ASIC2: variants seen among roughly 807,000 people sequenced by gnomAD.
ASIC2 encodes the protein acid-sensing ion channel 2.
ASIC2 carries 25 observed loss-of-function variants against 57.3 expected under a neutral mutation model. The ratio of observed to expected loss-of-function variants is 0.44; its 90% CI spans 0.32 to 0.61. ASIC2 has a LOEUF of 0.61. Ranked by LOEUF, ASIC2 falls within the 20% of genes least tolerant of loss-of-function variation. The probability of loss-of-function intolerance (pLI) is 0.06; values close to 1 mark genes in which losing one functional copy is unlikely to be tolerated. For synonymous variants in ASIC2, 319 were observed against 307.5 expected (o/e 1.04, Z -0.39); for missense variants, 641 against 738.1 (o/e 0.87, Z 1.52).
At chr17:34,105,208 T>G (rs1002924168) in intron 1 of ASIC2, among the ~76,000 whole-genome samples, 3 of 152,062 alleles carry the variant, frequency 2.0e-5, no homozygotes, top group African/African-American at 7.2e-5. Context: ...TTTGCTCATT[T>G]CATCTGAATT....
At chr17:33,769,837 T>C (rs1911042184) in intron 1 of ASIC2, among the ~76,000 whole-genome samples, 2 of 152,230 alleles carry the variant, frequency 1.3e-5, no homozygotes, top group South Asian at 2.1e-4. Context: ...GATGGCCATC[T>C]TCTCACTGTG....
chr17:33,921,734 G>A (rs775252182), intron 1 of ASIC2, among the ~76,000 whole-genome samples: 15 of 152,182 alleles, frequency 9.9e-5, no homozygotes, highest in Non-Finnish European at 1.9e-4. Context: ...GAATTTAGAT[G>A]GGGAGTTACG....
rs528502934 is a variant in ASIC2, at chr17:33,610,421, T to C, written c.556-498354A>G. On this transcript the variant is annotated intron_variant, in intron 1 of 9. Transcript: ENST00000359872. ...GTCTGCCCGCCTCGGCCTCCCAAAA[T>C]GCTGGAATTACAAGCGTGAGGCACC... is the stretch of plus-strand genomic sequence containing the variant. 5.9e-5 allele frequency among the ~76,000 whole-genome samples: 9 copies of C among 152,288 alleles called. No individual in the cohort carries two copies. The South Asian group carries it at 1.9e-3, about 32-fold the overall frequency.
chr17:33,535,160 G>C (rs1915186418), intron 1 of ASIC2, among the ~76,000 whole-genome samples: 1 of 152,178 alleles, frequency 6.6e-6, no homozygotes, highest in Admixed American at 6.5e-5. Flanking sequence ...GACTGAATCT[G>C]TGTAGGGAAG....
At chr17:33,445,217 C>T (rs1911970617) in intron 1 of ASIC2, among the ~76,000 whole-genome samples, 1 of 152,200 alleles carries the variant, frequency 6.6e-6, no homozygotes, top group African/African-American at 2.4e-5. Flanking sequence ...CATTTGAGGT[C>T]AGGAGTTCGA....
intron 1 of ASIC2, among the ~76,000 whole-genome samples, chr17:33,130,469 A>T (rs533587381): frequency 6.6e-6 from 1 of 152,340 alleles, no homozygotes; most frequent in African/African-American, 2.4e-5. Flanking sequence ...ATACACGCTA[A>T]TTATTAAATG....
chr17:33,461,130 T>A (rs892906637), intron 1 of ASIC2, among the ~76,000 whole-genome samples: 1 of 152,232 alleles, frequency 6.6e-6, no homozygotes, highest in Non-Finnish European at 1.5e-5. Flanking sequence ...CACTTCCACC[T>A]GCTCCTCAGC....
At position 33,662,662 on chromosome 17, in the gene ASIC2, A is replaced by AATAC. The variant is rs1040286677; in HGVS notation, c.555+493315_555+493316insGTAT. Among the ~76,000 whole-genome samples the AATAC allele has an allele frequency of 6.2e-3, 611 of 99,180 alleles. 10 individuals carry two copies. The highest frequency in any genetic ancestry group is 0.045 in the East Asian group (162 of 3,626). 65.1% of individuals were successfully genotyped at this position (99,180 alleles called of 152,430 possible). A position where few individuals can be genotyped will look rare whatever the true frequency, so the allele number is the denominator to read the frequency against. ...AAATAAATAAATAAATAAATAAATA[A>AATAC]ATAAATAAGTAAAATAAAAAATGAA... On this transcript the variant is annotated intron_variant, in intron 1 of 9. Transcript: ENST00000359872.
At chr17:33,263,755 C>T (rs75266219) in intron 1 of ASIC2, among the ~76,000 whole-genome samples, 13 of 65,384 alleles carry the variant, frequency 2.0e-4, no homozygotes, top group African/African-American at 6.2e-4. Flanking sequence ...GAAAGGGGGG[C>T]CCACCCGCTG....
At chr17:33,364,889 A>G (rs1298398906) in intron 1 of ASIC2, among the ~76,000 whole-genome samples, 5 of 152,078 alleles carry the variant, frequency 3.3e-5, no homozygotes, top group Non-Finnish European at 1.5e-5. Flanking sequence ...CCCTCCTAAT[A>G]AGTTTCCCTG....
chr17:33,517,028 T>A (rs1056873205), intron 1 of ASIC2, among the ~76,000 whole-genome samples: 6 of 152,224 alleles, frequency 3.9e-5, no homozygotes, highest in Admixed American at 1.3e-4. Flanking sequence ...TAACGAAGCC[T>A]CTCTTTTCTT....
rs559781103 is a variant in ASIC2 at position 33,781,277 on chromosome 17, C to T, written c.555+374701G>A. 3.3e-5 allele frequency among the ~76,000 whole-genome samples: 5 copies of T among 152,338 alleles called. No individual in the cohort carries two copies. The East Asian group carries it at 9.6e-4, about 29-fold the overall frequency. ...GTGGCCACTGGACCATGCTAAAGAG[C>T]CCGAGACGCCTCTCCACAGCATTTC... is the stretch of plus-strand genomic sequence containing the variant. On this transcript the variant is annotated intron_variant, in intron 1 of 9. Transcript: ENST00000359872.
chr17:34,053,570 A>T (rs1176319011), intron 1 of ASIC2, among the ~76,000 whole-genome samples: 2 of 152,226 alleles, frequency 1.3e-5, no homozygotes, highest in African/African-American at 4.8e-5. Flanking sequence ...ACTGTGCACT[A>T]AACATTTTTA....
intron 1 of ASIC2, among the ~76,000 whole-genome samples, chr17:33,278,489 GAAA>G (rs10566355): frequency 1.1e-4 from 16 of 144,480 alleles, no homozygotes; most frequent in South Asian, 4.4e-4. Context: ...CCCTGTATCA[GAAA>G]AAAAAAAAAA....
intron 3 of ASIC2, among the ~76,000 whole-genome samples, chr17:33,028,787 T>C (rs2091869178): frequency 6.6e-6 from 1 of 152,198 alleles, no homozygotes; most frequent in Non-Finnish European, 1.5e-5. Flanking sequence ...TTGCATCTCT[T>C]GGAAAGACCC....
intron 1 of ASIC2, among the ~76,000 whole-genome samples, chr17:33,555,103 C>T (rs1915866953): frequency 6.6e-6 from 1 of 152,196 alleles, no homozygotes; most frequent in Non-Finnish European, 1.5e-5. Context: ...CTCTCCATGT[C>T]TCTTCCGGGT....
intron 1 of ASIC2, among the ~76,000 whole-genome samples, chr17:33,224,681 G>A (rs757705474): frequency 1.3e-5 from 2 of 152,150 alleles, no homozygotes; most frequent in Non-Finnish European, 2.9e-5. Context: ...GAAAATGGAC[G>A]CACACCTTGT....
intron 1 of ASIC2, among the ~76,000 whole-genome samples, chr17:33,146,651 C>T (rs4795749): frequency 0.19 from 29,097 of 152,212 alleles, 2,977 homozygotes; most frequent in African/African-American, 0.23. Flanking sequence ...GATCTGTGCC[C>T]AGCTCATGCC....
At chr17:33,722,699 G>A (rs1406899289) in intron 1 of ASIC2, among the ~76,000 whole-genome samples, 4 of 152,152 alleles carry the variant, frequency 2.6e-5, no homozygotes, top group African/African-American at 9.7e-5. Context: ...GGAGTTCAAG[G>A]CTGCAGTGAG....
Sources: gnomAD v4.1 joint callset for allele counts (sites outside exome capture counted in the v4.1 genomes callset) on GRCh38, gnomAD v4.1.1 for gene constraint, MANE v1.5 for transcripts, NCBI Gene and HGNC (gene_info 2026-07-23, HGNC 2026-07-21) for gene names.